The following MCOLN2 variants were observed in gnomAD, a reference collection of about 807,000 sequenced individuals.
MCOLN2 encodes mucolipin-2.
MCOLN2 carries 57 observed loss-of-function variants against 67.5 expected under a neutral mutation model. That is an observed-to-expected ratio of 0.84 (90% confidence interval 0.68 to 1.05). The LOEUF (loss-of-function observed/expected upper bound fraction) is 1.05, where lower values mean the gene tolerates loss of function less well. Among genes scored for constraint, MCOLN2 ranks in the 50% least tolerant of loss-of-function variants. The pLI, the probability that MCOLN2 is intolerant of heterozygous loss-of-function variation, is 0.00. For synonymous variants in MCOLN2, 246 were observed against 233.3 expected, an observed-to-expected ratio of 1.05 and a Z score of -0.50; for missense variants, 620 against 678.8, an observed-to-expected ratio of 0.91 and a Z score of 0.96.
At position 84,946,963 on chromosome 1, in the gene MCOLN2, A is replaced by G. The variant is rs1009541304; in HGVS notation, c.847+70T>C. 10 of 755,876 alleles carry G rather than the reference A, an allele frequency of 1.3e-5. No individual in the cohort carries two copies. In the African/African-American group the frequency reaches 1.7e-4, roughly 13 times the overall value. 46.8% of individuals were successfully genotyped at this position (755,876 alleles called of 1,614,324 possible). On this transcript the variant is annotated intron_variant, in intron 7 of 13. Coordinates refer to ENST00000370608, the MANE Select transcript of MCOLN2 (RefSeq NM_153259.4). ...TATCATGCAAACAAACCATTTAAAT[A>G]CCCCAAGCCACAAAATAAAGTGTTA...
intron 1 of MCOLN2, among the ~76,000 whole-genome samples, chr1:84,987,984 G>A (rs985997440): frequency 2.0e-5 from 3 of 152,150 alleles, no homozygotes; most frequent in South Asian, 2.1e-4. Flanking sequence ...TGGGTGATGG[G>A]TGCACAAAAA....
At position 84,996,792 on chromosome 1, in the gene MCOLN2, T is replaced by TC; in HGVS notation, c.77+3dup. On this transcript the variant is annotated splice_donor_region_variant and intron_variant, in intron 1 of 13. Transcript: ENST00000370608. ...TCCTGAAAGATGAAGCCCAGACTCC[T>TC]CACCTGACGGTTAACCTGAAAACAC... 1 of 1,613,668 alleles carries TC rather than the reference T, an allele frequency of 6.2e-7. No homozygotes were observed. The highest frequency in any genetic ancestry group is 1.1e-5 in the South Asian group (1 of 91,054).
chr1:84,929,557 C>A lies in MCOLN2; in HGVS notation c.1664+1G>T, dbSNP rs767491361. 3 of 1,612,190 alleles carry A rather than the reference C, an allele frequency of 1.9e-6. No individual in the cohort carries two copies. In the East Asian group the frequency reaches 6.7e-5, roughly 36 times the overall value. ...GCATGGAGAATAAACATGATACTGACCTCCTCCGACAGCAGATGCAGGACA... is the reference window on the plus strand; with the variant it reads ...GCATGGAGAATAAACATGATACTGAACTCCTCCGACAGCAGATGCAGGACA... On this transcript the variant is annotated splice_donor_variant, in intron 13 of 13. Transcript: ENST00000370608. LOFTEE classifies it high-confidence loss of function.
chr1:84,931,707 T>C (rs1334483875), intron 11 of MCOLN2, 139 bp from the exon 12 acceptor site: 3 of 710,750 alleles, frequency 4.2e-6, no homozygotes, highest in Admixed American at 2.8e-5. Flanking sequence ...TAGAACACCA[T>C]AAGAAGTAGG....
At chr1:84,972,328 T>C (rs1303279321) in intron 1 of MCOLN2, among the ~76,000 whole-genome samples, 1 of 152,232 alleles carries the variant, frequency 6.6e-6, no homozygotes, top group Non-Finnish European at 1.5e-5. Context: ...TTTTATGAAT[T>C]ATTTATGTTT....
chr1:84,935,196 A>C (rs1647353604), intron 11 of MCOLN2, among the ~76,000 whole-genome samples: 1 of 152,220 alleles, frequency 6.6e-6, no homozygotes, highest in South Asian at 2.1e-4. Context: ...CTAACTTCAG[A>C]TTCAAAGAGG....
At chr1:84,939,288 A>C (rs1647613101) in intron 9 of MCOLN2, among the ~76,000 whole-genome samples, 1 of 152,160 alleles carries the variant, frequency 6.6e-6, no homozygotes, top group African/African-American at 2.4e-5. Context: ...CTCCTTTGGC[A>C]ACTTAAAAAG....
intron 4 of MCOLN2, among the ~76,000 whole-genome samples, chr1:84,953,246 C>T (rs907211760): frequency 1.3e-5 from 2 of 152,046 alleles, no homozygotes; most frequent in Admixed American, 6.6e-5. Context: ...AATGATCAAG[C>T]AAATGTGATA....
intron 1 of MCOLN2, among the ~76,000 whole-genome samples, chr1:84,984,153 T>G (rs774412620): frequency 2.6e-5 from 4 of 152,230 alleles, no homozygotes; most frequent in Non-Finnish European, 5.9e-5. Context: ...AAATTAACAT[T>G]AGATTTTATG....
At chr1:84,995,318 A>G (rs1265317144) in intron 1 of MCOLN2, among the ~76,000 whole-genome samples, 1 of 152,242 alleles carries the variant, frequency 6.6e-6, no homozygotes, top group East Asian at 1.9e-4. Flanking sequence ...ACAAACCTTC[A>G]ATTTGTAAAA....
chr1:84,970,584 G>A, intron 1 of MCOLN2, among the ~76,000 whole-genome samples: 1 of 151,994 alleles, frequency 6.6e-6, no homozygotes. Context: ...TCAGGCAGCT[G>A]AGACACGAGA....
chr1:84,977,506 A>G (rs1462268648), intron 1 of MCOLN2, among the ~76,000 whole-genome samples: 2 of 152,114 alleles, frequency 1.3e-5, no homozygotes, highest in African/African-American at 4.8e-5. Context: ...CACTTCACCT[A>G]TAAAGACACA....
chr1:84,958,785 T>G (rs1168150326), intron 2 of MCOLN2, 83 bp from the exon 3 acceptor site: 1 of 1,044,898 alleles, frequency 9.6e-7, no homozygotes, highest in Non-Finnish European at 1.3e-6. Context: ...CATCAACCAT[T>G]ACCTATAAAC....
chr1:84,990,142 A>C (rs11161500), intron 1 of MCOLN2, among the ~76,000 whole-genome samples: 42,511 of 150,590 alleles, frequency 0.28, 6,440 homozygotes, highest in East Asian at 0.36. Context: ...TAAAAACACA[A>C]AAAAAATTAG....
At chr1:84,991,316 T>C (rs935154201) in intron 1 of MCOLN2, among the ~76,000 whole-genome samples, 6 of 152,116 alleles carry the variant, frequency 3.9e-5, no homozygotes, top group Non-Finnish European at 5.9e-5. Context: ...CCAGGGGCAG[T>C]TCAACAGATA....
intron 1 of MCOLN2, among the ~76,000 whole-genome samples, chr1:84,975,377 T>C (rs950298556): frequency 6.6e-6 from 1 of 152,170 alleles, no homozygotes; most frequent in African/African-American, 2.4e-5. Context: ...ACAAAAAGGG[T>C]AGAGAACAAG....
At chr1:84,953,354 A>G (rs1179202357) in intron 4 of MCOLN2, among the ~76,000 whole-genome samples, 1 of 152,200 alleles carries the variant, frequency 6.6e-6, no homozygotes, top group African/African-American at 2.4e-5. Flanking sequence ...GTTCAAAACC[A>G]GTCTGACCAA....
At chr1:84,981,988 A>T (rs1650279405) in intron 1 of MCOLN2, among the ~76,000 whole-genome samples, 1 of 152,142 alleles carries the variant, frequency 6.6e-6, no homozygotes, top group Admixed American at 6.6e-5. Context: ...TTATTGCAAA[A>T]AATTACGTTT....
At chr1:84,996,767 T>G (rs771443222) in intron 1 of MCOLN2, 29 bp downstream of exon 1, 3 of 1,596,784 alleles carry the variant, frequency 1.9e-6, no homozygotes, top group Non-Finnish European at 2.6e-6. Context: ...CAGTCCAGCA[T>G]CCTGAAAGAT....
Sources: gnomAD v4.1 joint callset for allele counts (sites outside exome capture counted in the v4.1 genomes callset) on GRCh38, gnomAD v4.1.1 for gene constraint, MANE v1.5 for transcripts, NCBI Gene and HGNC (gene_info 2026-07-23, HGNC 2026-07-21) for gene names.